The following DLG2 variants were observed in gnomAD, a reference collection of about 807,000 sequenced individuals.
DLG2 encodes discs large MAGUK scaffold protein 2.
In DLG2, 45 loss-of-function variants were observed where a neutral mutation model predicts 132.5. That is an observed-to-expected ratio of 0.34 (90% CI 0.27 to 0.44). The LOEUF is 0.44. Ranked by LOEUF, DLG2 falls within the 20% of genes least tolerant of loss-of-function variation. DLG2 has a pLI of 1.00. For missense variants in DLG2, 1,045 were observed against 1,196.9 expected (o/e 0.87, Z 1.87); for synonymous variants, 424 against 419.6 (o/e 1.01, Z -0.13).
chr11:84,430,041 G>A (rs964157841), intron 7 of DLG2, among the ~76,000 whole-genome samples: 1 of 152,112 alleles, frequency 6.6e-6, no homozygotes, highest in Admixed American at 6.5e-5. Flanking sequence ...TGGGGCTAGG[G>A]TCACAGGCTG....
At chr11:85,149,713 C>CA (rs999508405) in intron 5 of DLG2, among the ~76,000 whole-genome samples, 18 of 151,716 alleles carry the variant, frequency 1.2e-4, no homozygotes, top group African/African-American at 4.4e-4. Context: ...TTAGAGACAA[C>CA]AAAAAAATAT....
intron 6 of DLG2, among the ~76,000 whole-genome samples, chr11:84,731,063 C>T (rs1048622697): frequency 9.2e-5 from 14 of 151,872 alleles, no homozygotes; most frequent in African/African-American, 3.4e-4. Flanking sequence ...AAGAAAATTA[C>T]CTTTTGGTAC....
At chr11:84,597,410 G>T (rs12275488) in intron 6 of DLG2, among the ~76,000 whole-genome samples, 1 of 151,956 alleles carries the variant, frequency 6.6e-6, no homozygotes, top group African/African-American at 2.4e-5. Context: ...AGTTGATACT[G>T]TTCTCAAAAG....
intron 18 of DLG2, among the ~76,000 whole-genome samples, chr11:83,681,416 T>C (rs1002161286): frequency 2.0e-5 from 3 of 152,116 alleles, no homozygotes; most frequent in Non-Finnish European, 4.4e-5. Context: ...ATGGTGATAA[T>C]GAAACTAGAG....
chr11:84,035,968 C>G (rs891086221), intron 11 of DLG2, among the ~76,000 whole-genome samples: 1 of 152,012 alleles, frequency 6.6e-6, no homozygotes, highest in Non-Finnish European at 1.5e-5. Flanking sequence ...CCAGAAAAAG[C>G]TGGTTTTGGA....
intron 8 of DLG2, among the ~76,000 whole-genome samples, chr11:84,165,625 C>T (rs2095643641): frequency 6.6e-6 from 1 of 152,106 alleles, no homozygotes; most frequent in Non-Finnish European, 1.5e-5. Flanking sequence ...AGCATCCCGG[C>T]TGGGTGGTTC....
At chr11:85,511,532 C>T (rs1476268766) in intron 3 of DLG2, among the ~76,000 whole-genome samples, 1 of 151,826 alleles carries the variant, frequency 6.6e-6, no homozygotes, top group African/African-American at 2.4e-5. Flanking sequence ...TGGGTTGCCT[C>T]AGAGACTGAA....
chr11:84,407,896 T>G (rs1380915627), intron 7 of DLG2, among the ~76,000 whole-genome samples: 1 of 152,138 alleles, frequency 6.6e-6, no homozygotes, highest in Non-Finnish European at 1.5e-5. Context: ...CAAATTAGAG[T>G]GTATTGCAAA....
At chr11:84,603,086 A>T (rs929252944) in intron 6 of DLG2, among the ~76,000 whole-genome samples, 2 of 151,996 alleles carry the variant, frequency 1.3e-5, no homozygotes, top group Non-Finnish European at 2.9e-5. Flanking sequence ...GTCAAATGTA[A>T]CATCAATCGA....
chr11:84,384,720 T>A (rs554485231), intron 7 of DLG2, among the ~76,000 whole-genome samples: 1 of 151,976 alleles, frequency 6.6e-6, no homozygotes, highest in Non-Finnish European at 1.5e-5. Context: ...CCCTACATAT[T>A]CCTTTAAATA....
intron 8 of DLG2, among the ~76,000 whole-genome samples, chr11:84,213,180 C>G (rs1566947407): frequency 6.6e-6 from 1 of 152,168 alleles, no homozygotes; most frequent in Admixed American, 6.5e-5. Flanking sequence ...CATTGCCACC[C>G]CAACTCCCTT....
chr11:84,055,406 T>A (rs1052728915), intron 11 of DLG2, among the ~76,000 whole-genome samples: 14 of 152,240 alleles, frequency 9.2e-5, no homozygotes, highest in Admixed American at 1.3e-4. Flanking sequence ...CATGTGTCAC[T>A]CATGCTTAAA....
intron 12 of DLG2, among the ~76,000 whole-genome samples, chr11:83,970,774 T>A (rs1470556402): frequency 6.6e-6 from 1 of 152,230 alleles, no homozygotes. Context: ...CTAATACTAT[T>A]GTCATCATCT....
chr11:85,546,336 A>C (rs1258140824), intron 3 of DLG2, among the ~76,000 whole-genome samples: 1 of 152,076 alleles, frequency 6.6e-6, no homozygotes, highest in Non-Finnish European at 1.5e-5. Flanking sequence ...TTCTAATTTG[A>C]TTGCACTGTG....
chr11:83,655,442 T>C (rs1007904403), intron 18 of DLG2, among the ~76,000 whole-genome samples: 13 of 152,154 alleles, frequency 8.5e-5, no homozygotes, highest in African/African-American at 3.1e-4. Context: ...AAAGGCTAAA[T>C]TTCAGGGAGA....
chr11:85,123,350 G>T (rs899561028), intron 5 of DLG2, among the ~76,000 whole-genome samples: 3 of 152,028 alleles, frequency 2.0e-5, no homozygotes, highest in Non-Finnish European at 2.9e-5. Context: ...GATAGGAAAG[G>T]TAGGAAGACA....
chr11:83,489,424 T>G lies in DLG2; in HGVS notation c.2194-5196A>C, dbSNP rs1829521218. Among the ~76,000 whole-genome samples the G allele has an allele frequency of 2.6e-5, 4 of 151,896 alleles. No homozygotes were observed. The South Asian group carries it at 8.3e-4, about 31-fold the overall frequency. On this transcript the variant is annotated intron_variant, in intron 21 of 27. Transcript: ENST00000376104. The stretch of plus-strand genomic sequence containing the variant: ...AGATCAGAAGAAACTTTGAGAAGGA[T>G]CAACCAGTTACAATGTATAGACTTC...
At chr11:84,545,187 T>C in intron 6 of DLG2, 5 of 456,344 alleles carry the variant, frequency 1.1e-5, no homozygotes, top group Middle Eastern at 8.0e-4. Context: ...GAGAGCCTCC[T>C]TGGTTTCATG....
intron 4 of DLG2, among the ~76,000 whole-genome samples, chr11:85,163,605 A>C (rs1014363515): frequency 6.6e-6 from 1 of 152,216 alleles, no homozygotes; most frequent in Non-Finnish European, 1.5e-5. Flanking sequence ...CATGCTCTGA[A>C]GGAAAAGGCA....
Sources: allele counts gnomAD v4.1 joint callset (sites outside exome capture counted in the v4.1 genomes callset), GRCh38; gene constraint gnomAD v4.1.1; transcripts MANE v1.5; gene names NCBI Gene and HGNC (gene_info 2026-07-23, HGNC 2026-07-21).